TLR6: variants seen among roughly 807,000 people sequenced by gnomAD.
TLR6 encodes toll-like receptor 6.
In TLR6, 9 loss-of-function variants were observed where a neutral mutation model predicts 16.1. The observed-to-expected ratio is 0.56, with a 90% CI of 0.34 to 0.98. The LOEUF (loss-of-function observed/expected upper bound fraction) is 0.98, where lower values mean the gene tolerates loss of function less well. Among genes scored for constraint, TLR6 ranks in the 50% least tolerant of loss-of-function variants. The probability of loss-of-function intolerance (pLI) is 0.02; values close to 1 mark genes in which losing one functional copy is unlikely to be tolerated. For synonymous variants in TLR6, 340 were observed against 338.6 expected (o/e 1.00, Z -0.04); for missense variants, 786 against 921.0 (o/e 0.85, Z 1.90).
chr4:38,856,329 C>T (rs1321387083), intron 1 of TLR6, among the ~76,000 whole-genome samples: 1 of 152,156 alleles, frequency 6.6e-6, no homozygotes, highest in Non-Finnish European at 1.5e-5. Context: ...CAAACTGTTA[C>T]AGTGACAAAC....
At chr4:38,838,075 A>G (rs2109436669) in intron 1 of TLR6, among the ~76,000 whole-genome samples, 1 of 152,370 alleles carries the variant, frequency 6.6e-6, no homozygotes, top group East Asian at 1.9e-4. Flanking sequence ...AATGGCTGTC[A>G]TCAAAAAGAC....
At chr4:38,842,860 T>C (rs927685383) in intron 1 of TLR6, among the ~76,000 whole-genome samples, 2 of 152,128 alleles carry the variant, frequency 1.3e-5, no homozygotes, top group African/African-American at 4.8e-5. Context: ...TGCTTTTTTT[T>C]TTTAATCCCA....
chr4:38,837,285 C>G (rs1711976508), intron 1 of TLR6, among the ~76,000 whole-genome samples: 1 of 152,092 alleles, frequency 6.6e-6, no homozygotes, highest in South Asian at 2.1e-4. Context: ...CAAATCAGTA[C>G]TGAGGAAAAG....
chr4:38,863,447 C>T, the TLR6 span, among the ~76,000 whole-genome samples: 2 of 152,284 alleles, frequency 1.3e-5, no homozygotes, highest in East Asian at 3.9e-4. Context: ...TTCAGACTCA[C>T]ATTCAATAGC....
intron 1 of TLR6, among the ~76,000 whole-genome samples, chr4:38,848,069 CCCCT>C (rs1560270890): frequency 1.3e-5 from 2 of 152,198 alleles, no homozygotes; most frequent in African/African-American, 4.8e-5. Flanking sequence ...TGGCCAGGTA[CCCCT>C]CTGAGACAAA....
At chr4:38,843,377 C>G (rs1277108854) in intron 1 of TLR6, among the ~76,000 whole-genome samples, 4 of 152,180 alleles carry the variant, frequency 2.6e-5, no homozygotes, top group African/African-American at 9.7e-5. Context: ...AGCAGATTAC[C>G]AAAATGAGCA....
chr4:38,827,865 G>A (rs202131448), exon 2 of TLR6: 10 of 1,614,078 alleles, frequency 6.2e-6, no homozygotes, highest in Non-Finnish European at 8.5e-6. Flanking sequence ...AATTCTCTTA[G>A]CTCACAGGTA....
chr4:38,827,236 G>A (rs767014090), exon 2 of TLR6: 2 of 1,614,172 alleles, frequency 1.2e-6, no homozygotes, highest in South Asian at 2.2e-5. Flanking sequence ...TGTGGTACTT[G>A]TTGGGAATGC....
At chr4:38,847,788 GCTCAAA>G (rs1712594375) in intron 1 of TLR6, among the ~76,000 whole-genome samples, 2 of 152,248 alleles carry the variant, frequency 1.3e-5, no homozygotes, top group Admixed American at 1.3e-4. Flanking sequence ...CAGCCAGGAA[GCTCAAA>G]CTGGGTGGAG....
intron 1 of TLR6, among the ~76,000 whole-genome samples, chr4:38,856,459 A>C (rs1712993652): frequency 6.6e-6 from 1 of 152,250 alleles, no homozygotes; most frequent in Non-Finnish European, 1.5e-5. Context: ...GAAAGACGAA[A>C]AGAGAAAATT....
chr4:38,842,719 C>T (rs1006970609), intron 1 of TLR6, among the ~76,000 whole-genome samples: 5 of 152,206 alleles, frequency 3.3e-5, no homozygotes, highest in South Asian at 2.1e-4. Flanking sequence ...GCATCCTGGC[C>T]GCCTGTCCTC....
intron 1 of TLR6, among the ~76,000 whole-genome samples, chr4:38,837,521 A>G (rs1261497626): frequency 6.6e-6 from 1 of 152,216 alleles, no homozygotes; most frequent in South Asian, 2.1e-4. Context: ...ATATTCACTC[A>G]TATGTATAAG....
chr4:38,828,226 T>G, exon 2 of TLR6: 1 of 1,613,424 alleles, frequency 6.2e-7, no homozygotes, highest in Non-Finnish European at 8.5e-7. Flanking sequence ...GTCTACCAGA[T>G]TCCAAAGAAT....
chr4:38,838,967 G>A (rs189404805), intron 1 of TLR6, among the ~76,000 whole-genome samples: 27,095 of 129,162 alleles, frequency 0.21, 3,601 homozygotes, highest in Non-Finnish European at 0.28. Flanking sequence ...GAAGGAAGGG[G>A]AGGAAGGAAA....
Position 38,828,999 on chromosome 4 carries a change from G to A in TLR6, c.475C>T (p.Gln159Ter). 6.2e-7 allele frequency: 1 copy of A among 1,613,950 alleles called. No individual in the cohort carries two copies. Among genetic ancestry groups the A allele is most frequent in the East Asian group, 2.2e-5 (1 of 44,864 alleles). Residue 159 changes from glutamine to a stop codon, truncating the protein, a stop_gained, in exon 2 of 2, where the codon CAA (glutamine) becomes TAA (stop). Transcript: ENST00000436693. LOFTEE classifies it low-confidence loss of function (END_TRUNC). ...GCAATTGGCAGCAAATCTAATTTTT[G>A]CAGCTTCATAGCACTCAATCCCAAG...
upstream of TLR6, among the ~76,000 whole-genome samples, chr4:38,858,607 C>G (rs1359299408): frequency 6.6e-6 from 1 of 151,816 alleles, no homozygotes; most frequent in Non-Finnish European, 1.5e-5. Context: ...GTACTCCCAG[C>G]TACTCGGGAG....
the TLR6 span, among the ~76,000 whole-genome samples, chr4:38,864,216 C>A: frequency 1.3e-5 from 2 of 152,136 alleles, no homozygotes; most frequent in African/African-American, 4.8e-5. Context: ...TCATATAGAC[C>A]CTCTAGTTAG....
At chr4:38,842,220 A>T (rs547261161) in intron 1 of TLR6, among the ~76,000 whole-genome samples, 2 of 152,254 alleles carry the variant, frequency 1.3e-5, no homozygotes, top group Admixed American at 1.3e-4. Flanking sequence ...CAATGTGATG[A>T]CCAAAGCCCT....
At chr4:38,827,250 T>A in exon 2 of TLR6, 1 of 1,614,172 alleles carries the variant, frequency 6.2e-7, no homozygotes, top group South Asian at 1.1e-5. Flanking sequence ...GGAATGCTGT[T>A]CTGTGGAATG....
Sources: allele counts gnomAD v4.1 joint callset (sites outside exome capture counted in the v4.1 genomes callset), GRCh38; gene constraint gnomAD v4.1.1; transcripts MANE v1.5; gene names NCBI Gene and HGNC (gene_info 2026-07-23, HGNC 2026-07-21).